VNN1: variants seen among roughly 807,000 people sequenced by gnomAD.
VNN1 encodes the protein vanin 1.
VNN1 carries 29 observed loss-of-function variants against 41.9 expected under a neutral mutation model. The observed-to-expected ratio is 0.69, with a 90% CI of 0.52 to 0.94. The LOEUF (loss-of-function observed/expected upper bound fraction) is 0.94. Among genes scored for constraint, VNN1 ranks in the 40% least tolerant of loss-of-function variants. The pLI, the probability that VNN1 is intolerant of heterozygous loss-of-function variation, is 0.00. For missense variants in VNN1, 637 were observed against 621.1 expected, an observed-to-expected ratio of 1.03 and a Z score of -0.27; for synonymous variants, 233 against 224.4, an observed-to-expected ratio of 1.04 and a Z score of -0.34.
intron 2 of VNN1, among the ~76,000 whole-genome samples, chr6:132,701,558 G>A (rs1778449437): frequency 6.6e-6 from 1 of 152,138 alleles, no homozygotes; most frequent in Non-Finnish European, 1.5e-5. Context: ...GAGCAATCAG[G>A]CAAGAGGAAG....
intron 2 of VNN1, among the ~76,000 whole-genome samples, chr6:132,695,733 A>G (rs1197848080): frequency 6.6e-6 from 1 of 152,218 alleles, no homozygotes; most frequent in Non-Finnish European, 1.5e-5. Flanking sequence ...AGGGAAATTT[A>G]GAAAGTCGCC....
rs1223458901 is a variant in VNN1 at position 132,693,016 on chromosome 6, C to T, written c.826+8G>A. On this transcript the variant is annotated splice_region_variant and intron_variant, in intron 4 of 6. Transcript: ENST00000367928. The stretch of plus-strand genomic sequence containing the variant: ...ATCAGCCTGCATATCTTTAAGATCA[C>T]ACATTACCTGTCATTTTCTTTGAGG... 5 of 1,595,766 alleles carry T rather than the reference C, an allele frequency of 3.1e-6. No individual in the cohort carries two copies. In the Admixed American group the frequency reaches 7.0e-5, roughly 22 times the overall value.
intron 6 of VNN1, 130 bp downstream of exon 6, chr6:132,684,205 G>C: frequency 1.1e-6 from 1 of 922,684 alleles, no homozygotes; most frequent in South Asian, 2.0e-5. Context: ...TGTCCTTCAT[G>C]ATCCCCAAGG....
At chr6:132,693,698 C>T (rs540384251) in intron 3 of VNN1, among the ~76,000 whole-genome samples, 14 of 152,162 alleles carry the variant, frequency 9.2e-5, no homozygotes, top group Non-Finnish European at 2.1e-4. Context: ...GACCCATTGC[C>T]AGGGTATGCC....
intron 3 of VNN1, 138 bp downstream of exon 3, chr6:132,693,852 G>A (rs909975): frequency 0.38 from 386,887 of 1,016,362 alleles, 78,345 homozygotes; most frequent in African/African-American, 0.71. Flanking sequence ...AGCTTTCCAC[G>A]CTTTATCATT....
chr6:132,708,460 G>C (rs1166451582), intron 2 of VNN1, among the ~76,000 whole-genome samples: 5 of 152,156 alleles, frequency 3.3e-5, no homozygotes, highest in African/African-American at 2.4e-5. Context: ...AAAGTGATGA[G>C]AGCCTGTTCC....
chr6:132,695,405 G>A (rs2114350838), intron 2 of VNN1, among the ~76,000 whole-genome samples: 1 of 152,246 alleles, frequency 6.6e-6, no homozygotes, highest in East Asian at 1.9e-4. Context: ...CTGTCCCTGT[G>A]ACAGGCTGCC....
intron 2 of VNN1, among the ~76,000 whole-genome samples, chr6:132,711,014 C>T (rs554862579): frequency 6.6e-6 from 1 of 152,296 alleles, no homozygotes; most frequent in East Asian, 1.9e-4. Context: ...CCCCTTTCTC[C>T]ACATCCTCTC....
chr6:132,691,065 G>T (rs533035469), intron 5 of VNN1, among the ~76,000 whole-genome samples: 1 of 152,188 alleles, frequency 6.6e-6, no homozygotes, highest in East Asian at 1.9e-4. Context: ...GCAAATAGGA[G>T]ATGGGAAAAT....
At chr6:132,707,411 C>T (rs1301410418) in intron 2 of VNN1, among the ~76,000 whole-genome samples, 1 of 152,074 alleles carries the variant, frequency 6.6e-6, no homozygotes, top group Non-Finnish European at 1.5e-5. Flanking sequence ...AAAAATAGAG[C>T]CACCATACGA....
rs772777156 is a variant in VNN1 at position 132,692,394 on chromosome 6, G to A, written c.1017C>T (p.Phe339=). Residue 339 remains phenylalanine, a synonymous_variant, in exon 5 of 7, where the codon TTC becomes TTT. Transcript: ENST00000367928. ...GNKEFKGTVF[F]DEFTFVKLTG... ...TGAGCTTCACAAAAGTGAATTCATC[G>A]AAAAAGACAGTGCCTTTAAATTCCT... 1.1e-5 allele frequency: 18 copies of A among 1,613,916 alleles called. No homozygotes were observed. Among genetic ancestry groups the A allele is most frequent in the African/African-American group, 6.7e-5 (5 of 74,904 alleles).
chr6:132,692,439 T>G lies in VNN1; in HGVS notation c.972A>C (p.Glu324Asp), dbSNP rs1778305263. The change falls in exon 5 of 7, where the codon GAA becomes GAC. Residue 324 changes from glutamate (E) to aspartate (D), a missense_variant. Glu to Asp is a conservative substitution (Grantham distance 45). Coordinates refer to ENST00000367928, the MANE Select transcript of VNN1 (RefSeq NM_004666.3). Reference sequence around the variant, plus strand: ...ATTCCTTGTTTCCTGATGAGAGCGCTTCTATACTGCTGGCATAGGAAGTCC... The same window carrying G: ...ATTCCTTGTTTCCTGATGAGAGCGCGTCTATACTGCTGGCATAGGAAGTCC... ...VNWTSYASSI[E>D]ALSSGNKEFK... 1 of 1,614,048 alleles carries G rather than the reference T, an allele frequency of 6.2e-7. No individual in the cohort carries two copies. The highest frequency in any genetic ancestry group is 1.7e-5 in the Admixed American group (1 of 59,994).
chr6:132,697,840 T>C (rs957302072), intron 2 of VNN1, among the ~76,000 whole-genome samples: 5 of 152,204 alleles, frequency 3.3e-5, no homozygotes, highest in Non-Finnish European at 7.3e-5. Flanking sequence ...TTTGCTTCAA[T>C]TGATATCTGA....
chr6:132,696,097 T>G (rs111816273), intron 2 of VNN1, among the ~76,000 whole-genome samples: 151 of 152,140 alleles, frequency 9.9e-4, no homozygotes, highest in African/African-American at 3.4e-3. Context: ...AAGGAAGATG[T>G]GGAGAAAATC....
At position 132,713,935 on chromosome 6, in the gene VNN1, G is replaced by T; in HGVS notation, c.101C>A (p.Ala34Glu). 4 of 1,614,066 alleles carry T rather than the reference G, an allele frequency of 2.5e-6. No individual in the cohort carries two copies. The highest frequency in any genetic ancestry group is 2.2e-5 in the East Asian group (1 of 44,880). Residue 34 changes from alanine (A) to glutamate (E), a missense_variant, in exon 1 of 7, where the codon GCG (alanine) becomes GAG (glutamate). By Grantham distance (107) the Ala-to-Glu change is moderately radical. Coordinates refer to ENST00000367928, the MANE Select transcript of VNN1 (RefSeq NM_004666.3). The part of the protein sequence containing the change: ...TFTAAVYEHA[A>E]ILPNATLTPV... ...TGTTAGGGTGGCATTGGGCAATATCGCTGCATGCTCATAAACAGCTGCAGT... is the reference window on the plus strand; with the variant it reads ...TGTTAGGGTGGCATTGGGCAATATCTCTGCATGCTCATAAACAGCTGCAGT...
Position 132,683,023 on chromosome 6 carries a change from A to T in VNN1, c.*117T>A. ...CTGGTGTGTGTGTGTTTGTCTAAAT[A>T]AAGAGAAACTAGTAATTCACTTATA... On this transcript the variant is annotated 3_prime_UTR_variant, in exon 7 of 7. Transcript: ENST00000367928. 1.2e-6 allele frequency: 1 copy of T among 812,320 alleles called. No individual in the cohort carries two copies. The allele number at this position is 812,320 out of a possible 1,614,324, so 50.3% of individuals were successfully genotyped here.
At chr6:132,694,225 T>C in intron 2 of VNN1, 43 bp from the exon 3 acceptor site, 3 of 1,513,788 alleles carry the variant, frequency 2.0e-6, no homozygotes, top group Non-Finnish European at 2.7e-6. Flanking sequence ...TGTAAATCAA[T>C]CTTAACTCTC....
At chr6:132,693,939 C>G (rs987296689) in intron 3 of VNN1, 51 bp downstream of exon 3, 1 of 1,600,424 alleles carries the variant, frequency 6.2e-7, no homozygotes, top group African/African-American at 1.3e-5. Flanking sequence ...TCCTTGCCCA[C>G]TTTATTTCAT....
At position 132,694,189 on chromosome 6, in the gene VNN1, C is replaced by A; in HGVS notation, c.342-7G>T. The A allele has an allele frequency of 1.3e-6, 2 of 1,564,760 alleles. No individual in the cohort carries two copies. The highest frequency in any genetic ancestry group is 2.0e-5 in the Admixed American group (1 of 49,678). ...TACTGGGGTCTGGCCAAATCTGATACATGTTTATTGGAGGAAAAAAATCTT... is the reference window on the plus strand; with the variant it reads ...TACTGGGGTCTGGCCAAATCTGATAAATGTTTATTGGAGGAAAAAAATCTT... On this transcript the variant is annotated splice_polypyrimidine_tract_variant and splice_region_variant and intron_variant, in intron 2 of 6. Coordinates refer to ENST00000367928, the MANE Select transcript of VNN1 (RefSeq NM_004666.3).
Sources: gnomAD v4.1 joint callset for allele counts (sites outside exome capture counted in the v4.1 genomes callset) on GRCh38, gnomAD v4.1.1 for gene constraint, MANE v1.5 for transcripts, NCBI Gene and HGNC (gene_info 2026-07-23, HGNC 2026-07-21) for gene names.